The following FGF14 variants were observed in gnomAD, a reference collection of about 807,000 sequenced individuals.
The protein encoded by FGF14 is fibroblast growth factor 14.
A neutral mutation model predicts 25.5 loss-of-function variants in FGF14; 5 were observed. The ratio of observed to expected loss-of-function variants is 0.20; its 90% CI spans 0.10 to 0.41. FGF14 has a LOEUF of 0.41. FGF14 is among the 10% of genes least tolerant of loss of function. The pLI is 1.00. For synonymous variants in FGF14, 138 were observed against 118.3 expected, an observed-to-expected ratio of 1.17 and a Z score of -1.08; for missense variants, 222 against 320.1, an observed-to-expected ratio of 0.69 and a Z score of 2.34.
At chr13:101,989,642 G>C (rs998633905) in intron 1 of FGF14, among the ~76,000 whole-genome samples, 1 of 152,014 alleles carries the variant, frequency 6.6e-6, no homozygotes, top group Non-Finnish European at 1.5e-5. Context: ...ATAATTGTTG[G>C]CTTAAAGCTT....
At chr13:101,741,683 T>TGG (rs1249015285) in intron 3 of FGF14, among the ~76,000 whole-genome samples, 1 of 152,064 alleles carries the variant, frequency 6.6e-6, no homozygotes, top group African/African-American at 2.4e-5. Context: ...TGCCTTTTAT[T>TGG]ATTCTATATA....
At chr13:102,007,404 A>C (rs2039861311) in intron 1 of FGF14, among the ~76,000 whole-genome samples, 1 of 152,242 alleles carries the variant, frequency 6.6e-6, no homozygotes, top group African/African-American at 2.4e-5. Flanking sequence ...TCATAATCAA[A>C]AGCCATGAAT....
intron 3 of FGF14, among the ~76,000 whole-genome samples, chr13:101,748,307 A>G (rs2037027804): frequency 6.6e-6 from 1 of 152,070 alleles, no homozygotes; most frequent in Admixed American, 6.6e-5. Context: ...AGCCATAAAA[A>G]AAGAATGAAA....
chr13:102,171,694 T>C (rs2048250322), intron 1 of FGF14, among the ~76,000 whole-genome samples: 1 of 152,112 alleles, frequency 6.6e-6, no homozygotes, highest in Non-Finnish European at 1.5e-5. Context: ...CTGAAAATAA[T>C]TATTTGTTCT....
At position 101,979,559 on chromosome 13, in the gene FGF14, G is replaced by A. The variant is rs572428231; in HGVS notation, c.209-104263C>T. On this transcript the variant is annotated intron_variant, in intron 1 of 4. Coordinates refer to the FGF14 transcript ENST00000376131. ...TCAGGTCCCCATCATTCCCAAACCT[G>A]GTGTGTTATTTATTTGCTTGTTTTT... Among the ~76,000 whole-genome samples, 3 of 152,164 alleles carry A rather than the reference G, an allele frequency of 2.0e-5. No individual in the cohort carries two copies. The South Asian group carries it at 6.2e-4, about 32-fold the overall frequency.
At chr13:102,291,801 G>T (rs1483626193) in intron 1 of FGF14, among the ~76,000 whole-genome samples, 1 of 152,104 alleles carries the variant, frequency 6.6e-6, no homozygotes, top group Middle Eastern at 3.2e-3. Context: ...CTGCACCTCT[G>T]CCCTGACTCC....
At position 102,252,664 on chromosome 13, in the gene FGF14, C is replaced by CT. The variant is rs930337892; in HGVS notation, c.208+148806dup. Among the ~76,000 whole-genome samples the CT allele has an allele frequency of 1.0e-3, 153 of 148,442 alleles. 1 individual carries two copies. The Middle Eastern group carries it at 0.014, about 13-fold the overall frequency. On this transcript the variant is annotated intron_variant, in intron 1 of 4. Coordinates refer to the FGF14 transcript ENST00000376131. ...GTATTTTTATTGTTGTATTCTTATT[C>CT]TTTTTTTTTTAATTATACTTTAAGT...
intron 3 of FGF14, among the ~76,000 whole-genome samples, chr13:101,734,751 C>A (rs191979244): frequency 6.6e-6 from 1 of 152,222 alleles, no homozygotes; most frequent in East Asian, 1.9e-4. Context: ...TATGGGATGA[C>A]ACTATTATTA....
intron 1 of FGF14, among the ~76,000 whole-genome samples, chr13:102,101,605 G>A (rs1415150323): frequency 1.3e-5 from 2 of 152,152 alleles, no homozygotes; most frequent in Non-Finnish European, 2.9e-5. Flanking sequence ...AAAGCAAAGT[G>A]CAGTTCCAAA....
At chr13:101,724,216 A>ATGAT (rs964924159) in intron 4 of FGF14, among the ~76,000 whole-genome samples, 14 of 152,192 alleles carry the variant, frequency 9.2e-5, no homozygotes, top group African/African-American at 2.2e-4. Flanking sequence ...TCGTCCAACA[A>ATGAT]TGATAGACTG....
At chr13:102,365,787 A>G (rs1482614835) in intron 1 of FGF14, among the ~76,000 whole-genome samples, 1 of 152,080 alleles carries the variant, frequency 6.6e-6, no homozygotes, top group Non-Finnish European at 1.5e-5. Context: ...TAGTTTATAT[A>G]TAGTTATATG....
chr13:101,741,519 A>T (rs2036555653), intron 3 of FGF14, among the ~76,000 whole-genome samples: 1 of 152,098 alleles, frequency 6.6e-6, no homozygotes, highest in South Asian at 2.1e-4. Context: ...AAAATTCTTA[A>T]CTTTTTCAGG....
At chr13:101,916,333 A>AG (rs2033484264) in intron 1 of FGF14, 120 bp downstream of exon 1, 1 of 1,254,240 alleles carries the variant, frequency 8.0e-7, no homozygotes, top group Non-Finnish European at 1.2e-6. Context: ...AGTGCTCAGA[A>AG]GGGAGGCCGG....
At chr13:101,898,916 C>G (rs951907329) in intron 1 of FGF14, among the ~76,000 whole-genome samples, 1 of 152,146 alleles carries the variant, frequency 6.6e-6, no homozygotes, top group Non-Finnish European at 1.5e-5. Context: ...TACTCTTTCT[C>G]TCAAGAATTT....
chr13:102,016,274 G>C (rs1342528712), intron 1 of FGF14, among the ~76,000 whole-genome samples: 1 of 151,886 alleles, frequency 6.6e-6, no homozygotes, highest in East Asian at 1.9e-4. Flanking sequence ...CAATATATAT[G>C]ACTATATGTA....
chr13:102,092,267 A>T (rs2044199001), intron 1 of FGF14, among the ~76,000 whole-genome samples: 1 of 152,232 alleles, frequency 6.6e-6, no homozygotes, highest in Non-Finnish European at 1.5e-5. Context: ...GCCATGCCAT[A>T]CAAGATATGA....
intron 1 of FGF14, among the ~76,000 whole-genome samples, chr13:102,308,649 T>G (rs1266536864): frequency 6.6e-6 from 1 of 152,138 alleles, no homozygotes; most frequent in Non-Finnish European, 1.5e-5. Flanking sequence ...AACAAGTCAT[T>G]TTACATGTCT....
At chr13:102,196,956 G>GCTT (rs147361349) in intron 1 of FGF14, among the ~76,000 whole-genome samples, 1 of 146,994 alleles carries the variant, frequency 6.8e-6, no homozygotes, top group East Asian at 2.0e-4. Flanking sequence ...TTGTTTTTTT[G>GCTT]GTTTTTTTTT....
intron 1 of FGF14, among the ~76,000 whole-genome samples, chr13:102,041,595 A>AAAAAAAAAAAGAG (rs1175485223): frequency 1.8e-4 from 27 of 149,954 alleles, no homozygotes; most frequent in African/African-American, 6.1e-4. Context: ...AAAAAAAAAA[A>AAAAAAAAAAAGAG]AGAGAGATTT....
Sources: allele counts gnomAD v4.1 joint callset (sites outside exome capture counted in the v4.1 genomes callset), GRCh38; gene constraint gnomAD v4.1.1; transcripts MANE v1.5; gene names NCBI Gene and HGNC (gene_info 2026-07-23, HGNC 2026-07-21).